GABPA: variants seen among roughly 807,000 people sequenced by gnomAD.
The protein encoded by GABPA is GA binding protein transcription factor subunit alpha.
Under a neutral mutation model 59.4 loss-of-function variants are expected in GABPA, and 4 were observed. That is an observed-to-expected ratio of 0.07 (90% CI 0.03 to 0.15). The LOEUF (loss-of-function observed/expected upper bound fraction) is 0.15. Ranked by LOEUF, GABPA falls within the 10% of genes least tolerant of loss-of-function variation. GABPA has a pLI of 1.00. For synonymous variants in GABPA, 164 were observed against 183.1 expected, an observed-to-expected ratio of 0.90 and a Z score of 0.84; for missense variants, 251 against 543.8, an observed-to-expected ratio of 0.46 and a Z score of 5.36.
At position 25,772,385 on chromosome 21, in the gene GABPA, T is replaced by C. The variant is rs1328745464; in HGVS notation, c.*3153T>C. 6.6e-6 allele frequency: 1 copy of C among 152,160 alleles called. No individual in the cohort carries two copies. Among genetic ancestry groups the C allele is most frequent in the Non-Finnish European group, 1.5e-5 (1 of 67,974 alleles). The allele number at this position is 152,160 out of a possible 1,614,324, so 9.4% of individuals were successfully genotyped here. A position where few individuals can be genotyped will look rare whatever the true frequency, so the allele number is the denominator to read the frequency against. On this transcript the variant is annotated 3_prime_UTR_variant, in exon 10 of 10. Coordinates refer to ENST00000400075, the MANE Select transcript of GABPA (RefSeq NM_002040.4). Reference sequence around the variant, plus strand: ...AATTTTACATAAAACAGTTATTTTCTATTTTTACGCAGATAAATATTTGTG... The same window carrying C: ...AATTTTACATAAAACAGTTATTTTCCATTTTTACGCAGATAAATATTTGTG...
intron 2 of GABPA, among the ~76,000 whole-genome samples, chr21:25,744,135 A>G (rs1266312413): frequency 6.6e-6 from 1 of 151,812 alleles, no homozygotes; most frequent in Non-Finnish European, 1.5e-5. Flanking sequence ...AACAAATAAC[A>G]ATAGTAGACT....
chr21:25,752,379 G>A (rs921398119), intron 5 of GABPA, 145 bp downstream of exon 5: 36 of 872,142 alleles, frequency 4.1e-5, no homozygotes, highest in Non-Finnish European at 5.2e-5. Flanking sequence ...TAATTGTAAC[G>A]CACATTTAAG....
Position 25,741,212 on chromosome 21 carries a change from C to T in GABPA, c.-26-361C>T, listed in dbSNP as rs543073855. Among the ~76,000 whole-genome samples the T allele has an allele frequency of 2.6e-5, 4 of 152,264 alleles. No individual in the cohort carries two copies. In the East Asian group the frequency reaches 7.7e-4, roughly 29 times the overall value. On this transcript the variant is annotated intron_variant, in intron 1 of 9. Transcript: ENST00000400075. ...GTGCGATCATGGCTCACTGCAGCCT[C>T]AGCCTCCTGGGCTCAGGTGATCCTC...
At chr21:25,745,179 A>G (rs774781678) in intron 2 of GABPA, 31 bp from the exon 3 acceptor site, 1 of 1,604,806 alleles carries the variant, frequency 6.2e-7, no homozygotes, top group Non-Finnish European at 8.5e-7. Context: ...TAAAAAATGT[A>G]ACTGTTAGCA....
rs1404000470 is a variant in GABPA at position 25,770,861 on chromosome 21, CAATT to C, written c.*1630_*1633del. 8 of 152,132 alleles carry C rather than the reference CAATT, an allele frequency of 5.3e-5. 1 individual carries two copies. Among genetic ancestry groups the C allele is most frequent in the African/African-American group, 7.2e-5 (3 of 41,552 alleles). 9.4% of individuals were successfully genotyped at this position (152,132 alleles called of 1,614,324 possible). On this transcript the variant is annotated 3_prime_UTR_variant, in exon 10 of 10. Coordinates refer to ENST00000400075, the MANE Select transcript of GABPA (RefSeq NM_002040.4). ...GCATAATTTTACTAAAACATGTTCT[CAATT>C]CATTCATATTATTAAGCTCTTCCTG... is the stretch of plus-strand genomic sequence containing the variant.
chr21:25,758,532 C>T (rs2035690636), intron 6 of GABPA, among the ~76,000 whole-genome samples: 2 of 152,200 alleles, frequency 1.3e-5, no homozygotes, highest in African/African-American at 4.8e-5. Flanking sequence ...CTGTGCCCTA[C>T]ACTTAGCCCT....
At chr21:25,737,634 C>T (rs1448330149) in intron 1 of GABPA, among the ~76,000 whole-genome samples, 1 of 152,148 alleles carries the variant, frequency 6.6e-6, no homozygotes, top group South Asian at 2.1e-4. Context: ...CCCAGGTGTC[C>T]CTGCTGATAC....
Position 25,734,990 on chromosome 21 carries a change from G to C in GABPA, c.-615G>C. 2.6e-6 allele frequency: 4 copies of C among 1,554,136 alleles called. No individual in the cohort carries two copies. The highest frequency in any genetic ancestry group is 2.4e-5 in the East Asian group (1 of 41,568). On this transcript the variant is annotated 5_prime_UTR_variant, in exon 1 of 10. Coordinates refer to ENST00000400075, the MANE Select transcript of GABPA (RefSeq NM_002040.4). ...CCGTTTCAGTCGGTCGACGCTCACC[G>C]GACAGGAAGCGTCTCGGAGACAGTC...
chr21:25,759,077 A>G (rs533964743), intron 6 of GABPA, among the ~76,000 whole-genome samples: 3 of 152,190 alleles, frequency 2.0e-5, no homozygotes, highest in Admixed American at 6.5e-5. Context: ...TTGGAAAAAA[A>G]AGAGAGAGAG....
intron 7 of GABPA, 90 bp downstream of exon 7, chr21:25,762,455 A>G (rs1431136352): frequency 1.0e-6 from 1 of 980,284 alleles, no homozygotes; most frequent in Non-Finnish European, 1.5e-6. Context: ...TATTTAAAAA[A>G]ATTTTTTTTC....
intron 2 of GABPA, among the ~76,000 whole-genome samples, chr21:25,743,819 A>G (rs2035287913): frequency 1.3e-5 from 2 of 152,020 alleles, no homozygotes; most frequent in African/African-American, 2.4e-5. Flanking sequence ...TTGGGAGGCC[A>G]AGGCAGGTGA....
intron 2 of GABPA, among the ~76,000 whole-genome samples, chr21:25,744,157 A>G (rs193298983): frequency 6.6e-6 from 1 of 151,930 alleles, no homozygotes; most frequent in Non-Finnish European, 1.5e-5. Context: ...GTATTTTTAA[A>G]TAAGCTTGTT....
At chr21:25,756,994 A>G (rs1247890848) in intron 5 of GABPA, among the ~76,000 whole-genome samples, 1 of 152,212 alleles carries the variant, frequency 6.6e-6, no homozygotes, top group Non-Finnish European at 1.5e-5. Flanking sequence ...CTTTAGTCTC[A>G]AATGGAATAG....
intron 2 of GABPA, among the ~76,000 whole-genome samples, chr21:25,744,070 A>T (rs1056819574): frequency 1.4e-4 from 20 of 145,508 alleles, no homozygotes; most frequent in African/African-American, 5.2e-4. Flanking sequence ...AAAACCTACC[A>T]GGCTATAGCT....
intron 9 of GABPA, among the ~76,000 whole-genome samples, 188 bp downstream of exon 9, chr21:25,764,975 A>C (rs890888900): frequency 3.2e-4 from 49 of 151,430 alleles, no homozygotes; most frequent in African/African-American, 1.2e-3. Flanking sequence ...TTTTTTTTAC[A>C]AAATTACTCT....
Position 25,771,010 on chromosome 21 carries a change from TAAC to T in GABPA, c.*1781_*1783del, listed in dbSNP as rs1478386504. ...TGGTTTTAAGAATATCTGAGTAAAATAACAATATGAAATAATAAACAGAAGCTC... is the reference window on the plus strand; with the variant it reads ...TGGTTTTAAGAATATCTGAGTAAAATAATATGAAATAATAAACAGAAGCTC... On this transcript the variant is annotated 3_prime_UTR_variant, in exon 10 of 10. Transcript: ENST00000400075. 1.3e-5 allele frequency: 2 copies of T among 151,964 alleles called. No homozygotes were observed. The highest frequency in any genetic ancestry group is 2.9e-5 in the Non-Finnish European group (2 of 67,878). 9.4% of individuals were successfully genotyped at this position (151,964 alleles called of 1,614,324 possible). A position where few individuals can be genotyped will look rare whatever the true frequency, so the allele number is the denominator to read the frequency against.
At chr21:25,756,129 A>G (rs2035631317) in intron 5 of GABPA, among the ~76,000 whole-genome samples, 1 of 152,246 alleles carries the variant, frequency 6.6e-6, no homozygotes, top group Non-Finnish European at 1.5e-5. Context: ...ACAATTAGTT[A>G]TGTTAAACCA....
chr21:25,767,762 T>A (rs901708056), intron 9 of GABPA, among the ~76,000 whole-genome samples: 2 of 152,094 alleles, frequency 1.3e-5, no homozygotes, highest in African/African-American at 4.8e-5. Context: ...CTAATGTAAT[T>A]GACATAAATG....
chr21:25,740,754 G>A (rs563255634), intron 1 of GABPA, among the ~76,000 whole-genome samples: 6 of 152,278 alleles, frequency 3.9e-5, no homozygotes, highest in African/African-American at 1.4e-4. Context: ...GTGCATATCT[G>A]TAATTTGTTA....
Sources: gnomAD v4.1 joint callset for allele counts (sites outside exome capture counted in the v4.1 genomes callset) on GRCh38, gnomAD v4.1.1 for gene constraint, MANE v1.5 for transcripts, NCBI Gene and HGNC (gene_info 2026-07-23, HGNC 2026-07-21) for gene names.